PDE4A: variants seen among roughly 807,000 people sequenced by gnomAD.
The protein encoded by PDE4A is phosphodiesterase 4A, also known as 3',5'-cyclic-AMP phosphodiesterase 4A.
A neutral mutation model predicts 73.9 loss-of-function variants in PDE4A; 21 were observed. That is an observed-to-expected ratio of 0.28 (90% CI 0.20 to 0.41). The LOEUF is 0.41. PDE4A is among the 10% of genes least tolerant of loss of function. The pLI, the probability that PDE4A is intolerant of heterozygous loss-of-function variation, is 1.00. For synonymous variants in PDE4A, 463 were observed against 505.4 expected (o/e 0.92, Z 1.13); for missense variants, 958 against 1,211.4 (o/e 0.79, Z 3.10).
chr19:10,432,021 G>A (rs1414516997), intron 1 of PDE4A, among the ~76,000 whole-genome samples: 3 of 151,792 alleles, frequency 2.0e-5, no homozygotes, highest in African/African-American at 7.3e-5. Flanking sequence ...CCCCGGGGGC[G>A]CACGGCGATC....
rs45587445 is a variant in PDE4A at position 10,468,239 on chromosome 19, C to T, written c.*618C>T. On this transcript the variant is annotated 3_prime_UTR_variant, in exon 15 of 15. Coordinates refer to ENST00000380702, the MANE Select transcript of PDE4A (RefSeq NM_001111307.2). ...TCCTCTCCCCTCTAAAAAAGTCTTC[C>T]GCTTGATTTTGCACAATCCCGGCGA... The T allele has an allele frequency of 9.7e-3, 1,478 of 152,568 alleles. 17 individuals carry two copies. The highest frequency in any genetic ancestry group is 0.024 in the Middle Eastern group (7 of 294). The allele number at this position is 152,568 out of a possible 1,614,324, so 9.5% of individuals were successfully genotyped here. A position where few individuals can be genotyped will look rare whatever the true frequency, so the allele number is the denominator to read the frequency against.
At chr19:10,439,982 CTTTTT>C (rs1162121051) in intron 1 of PDE4A, among the ~76,000 whole-genome samples, 2 of 114,042 alleles carry the variant, frequency 1.8e-5, no homozygotes, top group Admixed American at 1.9e-4. Context: ...ATGGTATCTC[CTTTTT>C]TTTTTTTTTT....
chr19:10,430,417 G>C (rs995111660), intron 1 of PDE4A, among the ~76,000 whole-genome samples: 9 of 151,886 alleles, frequency 5.9e-5, no homozygotes, highest in Admixed American at 3.3e-4. Context: ...CGGGATTTGG[G>C]GGGGTACCCC....
chr19:10,461,700 G>GGGGGGGGGGGGGGA lies in PDE4A; in HGVS notation c.1620+20_1620+21insGGGGGGGGGGGGGA. 5 of 598,320 alleles carry GGGGGGGGGGGGGGA rather than the reference G, an allele frequency of 8.4e-6. No homozygotes were observed. The highest frequency in any genetic ancestry group is 1.4e-5 in the South Asian group (1 of 72,084). The allele number at this position is 598,320 out of a possible 1,614,324, so 37.1% of individuals were successfully genotyped here. A position where few individuals can be genotyped will look rare whatever the true frequency, so the allele number is the denominator to read the frequency against. On this transcript the variant is annotated intron_variant, in intron 12 of 14. Coordinates refer to ENST00000380702, the MANE Select transcript of PDE4A (RefSeq NM_001111307.2). ...GACATGGTGGGCGGGGCTGGGGCGG[G>GGGGGGGGGGGGGGA]ACGGAGCGGGAAAGGAAGCCTAGGA...
chr19:10,433,010 T>C (rs2042815313), intron 1 of PDE4A, among the ~76,000 whole-genome samples: 1 of 151,704 alleles, frequency 6.6e-6, no homozygotes. Context: ...CCAAGCTGGG[T>C]TGGGGGTGGG....
At chr19:10,417,533 C>T (rs2042599611), upstream of PDE4A, 2 of 1,440,644 alleles carry the variant, frequency 1.4e-6, no homozygotes, top group Non-Finnish European at 1.8e-6. Context: ...GAGTGGCTCA[C>T]ACGTGAAGGG....
chr19:10,467,468 C>T lies in PDE4A; in HGVS notation c.2508C>T (p.Leu836=). The T allele has an allele frequency of 1.2e-6, 2 of 1,613,168 alleles. No individual in the cohort carries two copies. Among genetic ancestry groups the T allele is most frequent in the Non-Finnish European group, 1.7e-6 (2 of 1,179,792 alleles). The part of the protein sequence containing the change: ...TLSVSEHAPG[L]PGLPSTAAEV... The stretch of plus-strand genomic sequence containing the variant: ...CTGTTTCAGAGCATGCCCCGGGCCT[C>T]CCGGGCCTCCCCTCCACGGCGGCCG... Residue 836 remains leucine, a synonymous_variant, in exon 15 of 15, where the codon CTC becomes CTT. Transcript: ENST00000380702.
At chr19:10,418,897 T>TGG (rs35789387), upstream of PDE4A, 41 of 979,854 alleles carry the variant, frequency 4.2e-5, no homozygotes, top group African/African-American at 6.7e-4. Context: ...GAGTGTGTAA[T>TGG]GGGGGGGGTG....
chr19:10,461,508 C>A lies in PDE4A; in HGVS notation c.1466-18C>A. On this transcript the variant is annotated intron_variant, in intron 11 of 14. Transcript: ENST00000380702. ...CTGCACACGTGGGCCCTCCCCTGAC[C>A]TCCGGGCTGGGCTGCAGATTCGGAG... is the stretch of plus-strand genomic sequence containing the variant. The A allele has an allele frequency of 1.2e-6, 2 of 1,612,844 alleles. No homozygotes were observed. The highest frequency in any genetic ancestry group is 1.7e-6 in the Non-Finnish European group (2 of 1,179,668).
In PDE4A at chr19:10,453,160, C is replaced by T; in HGVS notation, c.784-1669C>T. On this transcript the variant is annotated intron_variant, in intron 6 of 14. Coordinates refer to ENST00000380702, the MANE Select transcript of PDE4A (RefSeq NM_001111307.2). This position sits in a 1 kb window ranked among gnomAD's most constrained non-coding sequence, Gnocchi z 4.6. ...CAGGCCCCTCCGCGGCTCCCCCTTCCACTACCCACCTGCCCGGCACCCCCT... is the reference window on the plus strand; with the variant it reads ...CAGGCCCCTCCGCGGCTCCCCCTTCTACTACCCACCTGCCCGGCACCCCCT... 2.1e-6 allele frequency: 3 copies of T among 1,452,832 alleles called. No individual in the cohort carries two copies. The South Asian group carries it at 4.3e-5, about 21-fold the overall frequency. 90.0% of individuals were successfully genotyped at this position (1,452,832 alleles called of 1,614,324 possible).
chr19:10,432,304 G>A (rs988724830), intron 1 of PDE4A: 2 of 1,211,064 alleles, frequency 1.7e-6, no homozygotes, highest in South Asian at 3.0e-5. Context: ...GCTGTCCCTG[G>A]GGGGGTCACC....
intron 7 of PDE4A, among the ~76,000 whole-genome samples, chr19:10,457,027 A>C (rs1325614043): frequency 6.6e-6 from 1 of 152,008 alleles, no homozygotes; most frequent in African/African-American, 2.4e-5. Flanking sequence ...ATGAAACTCC[A>C]TCTCTACTAA....
intron 6 of PDE4A, 45 bp downstream of exon 6, chr19:10,450,986 CG>C (rs1568377176): frequency 1.6e-6 from 2 of 1,277,854 alleles, no homozygotes; most frequent in East Asian, 2.6e-5. Context: ...CAGGCGGGGG[CG>C]GGGCCAGTGG....
intron 7 of PDE4A, among the ~76,000 whole-genome samples, chr19:10,456,586 G>T (rs570821146): frequency 6.6e-6 from 1 of 151,666 alleles, no homozygotes. Context: ...GCATGGTGGC[G>T]TGTGCCTGTG....
intron 1 of PDE4A, among the ~76,000 whole-genome samples, chr19:10,442,803 T>C (rs920691905): frequency 6.7e-5 from 10 of 148,706 alleles, no homozygotes; most frequent in Admixed American, 1.4e-4. Context: ...ATATGTAATA[T>C]TACTAATATT....
intron 1 of PDE4A, chr19:10,421,291 T>TC: frequency 1.0e-6 from 1 of 985,272 alleles, no homozygotes; most frequent in Non-Finnish European, 1.2e-6. Flanking sequence ...CATCCTGGGG[T>TC]CCATTTAGGG....
At chr19:10,417,132 T>C, upstream of PDE4A, 1 of 1,438,590 alleles carries the variant, frequency 7.0e-7, no homozygotes, top group Non-Finnish European at 9.1e-7. Context: ...TGCCTCAGTT[T>C]ACCCCCTTGA....
In PDE4A at chr19:10,460,916, A is replaced by T. The variant is rs955497235; in HGVS notation, c.1366-88A>T. ...TAGGCTCAAGTGATCCTCCCATCTC[A>T]GCCTCCTAAGTAGGTGAGACAAACA... On this transcript the variant is annotated intron_variant, in intron 10 of 14. Transcript: ENST00000380702. 8 of 1,410,984 alleles carry T rather than the reference A, an allele frequency of 5.7e-6. No homozygotes were observed. The African/African-American group carries it at 1.0e-4, about 18-fold the overall frequency. 87.4% of individuals were successfully genotyped at this position (1,410,984 alleles called of 1,614,324 possible).
intron 4 of PDE4A, among the ~76,000 whole-genome samples, chr19:10,450,267 G>T (rs1443758735): frequency 1.3e-5 from 2 of 152,124 alleles, no homozygotes; most frequent in Admixed American, 6.6e-5. Context: ...CAGTCCTTCT[G>T]GGGGTGGGGG....
Sources: gnomAD v4.1 joint callset for allele counts (sites outside exome capture counted in the v4.1 genomes callset) on GRCh38, gnomAD v4.1.1 for gene constraint, Gnocchi (gnomAD v3.1) non-coding constraint, MANE v1.5 for transcripts, NCBI Gene and HGNC (gene_info 2026-07-23, HGNC 2026-07-21) for gene names.